SCD5: variants seen among roughly 807,000 people sequenced by gnomAD.
SCD5 encodes the protein acyl-CoA-desaturase 4.
In SCD5, 20 loss-of-function variants were observed where a neutral mutation model predicts 30.4. The ratio of observed to expected loss-of-function variants is 0.66; its 90% CI spans 0.46 to 0.96. The LOEUF is 0.96. SCD5 is among the 40% of genes least tolerant of loss of function. The pLI is 0.00. For missense variants in SCD5, 381 were observed against 443.3 expected (o/e 0.86, Z 1.26); for synonymous variants, 173 against 176.4 (o/e 0.98, Z 0.16).
At chr4:82,763,639 G>A (rs1407636349) in intron 1 of SCD5, among the ~76,000 whole-genome samples, 3 of 152,240 alleles carry the variant, frequency 2.0e-5, no homozygotes, top group Non-Finnish European at 4.4e-5. Flanking sequence ...CCAGGGGTGT[G>A]CAGGAACAGA....
intron 1 of SCD5, among the ~76,000 whole-genome samples, chr4:82,717,134 G>T (rs577117715): frequency 6.6e-6 from 1 of 151,860 alleles, no homozygotes; most frequent in Non-Finnish European, 1.5e-5. Flanking sequence ...ACTGTATAGG[G>T]TATTTAGCAT....
At chr4:82,709,475 G>A (rs1230598631) in intron 1 of SCD5, among the ~76,000 whole-genome samples, 1 of 152,196 alleles carries the variant, frequency 6.6e-6, no homozygotes, top group Non-Finnish European at 1.5e-5. Context: ...TAATATAAGA[G>A]AGATCAAAAA....
At chr4:82,775,640 C>T (rs1381327220) in intron 1 of SCD5, 1 of 152,220 alleles carries the variant, frequency 6.6e-6, no homozygotes, top group Non-Finnish European at 1.5e-5. Flanking sequence ...ATACAAGGAT[C>T]ACTTGAGGCC....
chr4:82,638,537 T>A (rs963876762), intron 3 of SCD5, among the ~76,000 whole-genome samples: 4 of 152,202 alleles, frequency 2.6e-5, no homozygotes, highest in Non-Finnish European at 5.9e-5. Context: ...TTGGCTCCAA[T>A]ACCTCCTTGG....
intron 1 of SCD5, among the ~76,000 whole-genome samples, chr4:82,773,045 G>A (rs1313507094): frequency 1.3e-5 from 2 of 152,108 alleles, no homozygotes; most frequent in African/African-American, 2.4e-5. Flanking sequence ...ATGGTGTGGG[G>A]AGCACTGATG....
In SCD5 at chr4:82,680,892, G is replaced by T; in HGVS notation, c.384C>A (p.Ser128=). Residue 128 remains serine, a synonymous_variant, in exon 3 of 5, where the codon TCC becomes TCA. Transcript: ENST00000319540. ...MAFQNDIFEW[S]RDHRAHHKYS... ...ACTTGTGGTGGGCTCGGTGGTCCCT[G>T]GACCACTCGAAGATGTCATTCTGCA... 1 of 1,612,836 alleles carries T rather than the reference G, an allele frequency of 6.2e-7. No individual in the cohort carries two copies.
At chr4:82,711,697 C>T (rs866244546) in intron 1 of SCD5, among the ~76,000 whole-genome samples, 1 of 129,864 alleles carries the variant, frequency 7.7e-6, no homozygotes, top group Non-Finnish European at 1.6e-5. Context: ...TAAAGTAAGA[C>T]CTTGTCTTAA....
At chr4:82,699,745 T>C (rs941704165) in intron 2 of SCD5, among the ~76,000 whole-genome samples, 3 of 151,132 alleles carry the variant, frequency 2.0e-5, no homozygotes, top group South Asian at 4.2e-4. Context: ...TACTGCAACC[T>C]CCACGTCCCA....
At chr4:82,779,700 ACTCCTCCCTGT>A (rs1159021274) in intron 1 of SCD5, among the ~76,000 whole-genome samples, 5 of 151,772 alleles carry the variant, frequency 3.3e-5, no homozygotes, top group African/African-American at 4.8e-5. Context: ...TGGGCAAATC[ACTCCTCCCTGT>A]CTCTTTGTTT....
intron 3 of SCD5, among the ~76,000 whole-genome samples, chr4:82,666,076 T>G (rs1266761837): frequency 6.6e-6 from 1 of 151,810 alleles, no homozygotes; most frequent in African/African-American, 2.4e-5. Context: ...TGCGGGGTTA[T>G]AGAAATTTTA....
intron 2 of SCD5, among the ~76,000 whole-genome samples, chr4:82,701,839 T>C (rs1481431686): frequency 6.6e-6 from 1 of 152,196 alleles, no homozygotes; most frequent in Non-Finnish European, 1.5e-5. Flanking sequence ...GACCCAGATG[T>C]AGCCAGCAGA....
chr4:82,724,846 C>T (rs1031118133), intron 1 of SCD5, among the ~76,000 whole-genome samples: 1 of 152,222 alleles, frequency 6.6e-6, no homozygotes, highest in Non-Finnish European at 1.5e-5. Context: ...CGAACCTAGA[C>T]ATTTAGGCCC....
At chr4:82,707,510 G>C (rs1377354482) in intron 1 of SCD5, among the ~76,000 whole-genome samples, 1 of 152,110 alleles carries the variant, frequency 6.6e-6, no homozygotes, top group Non-Finnish European at 1.5e-5. Flanking sequence ...TTAGTAACTT[G>C]CTTCTAACCA....
In SCD5 at chr4:82,705,154, C is replaced by T. The variant is rs147541768; in HGVS notation, c.363+129G>A. On this transcript the variant is annotated intron_variant, in intron 2 of 4. Coordinates refer to ENST00000319540, the MANE Select transcript of SCD5 (RefSeq NM_001037582.3). ...CAAAGAGATAAAAACTTGGGACAGA[C>T]TGGGCGTGCTTGGGGCCTGAACACT... 548 of 1,161,264 alleles carry T rather than the reference C, an allele frequency of 4.7e-4. 5 individuals carry two copies. In the East Asian group the frequency reaches 0.012, roughly 25 times the overall value. The allele number at this position is 1,161,264 out of a possible 1,614,324, so 71.9% of individuals were successfully genotyped here.
chr4:82,796,210 C>T (rs1030988781), intron 1 of SCD5, among the ~76,000 whole-genome samples: 3 of 150,128 alleles, frequency 2.0e-5, no homozygotes, highest in Admixed American at 6.6e-5. Flanking sequence ...GCGGAGCTTG[C>T]GGTGAGCCGA....
chr4:82,653,530 T>G (rs1727798347), intron 3 of SCD5, among the ~76,000 whole-genome samples: 1 of 152,152 alleles, frequency 6.6e-6, no homozygotes, highest in Admixed American at 6.5e-5. Flanking sequence ...CCTAAAATGT[T>G]GGTTATTACA....
At chr4:82,765,474 G>T (rs185463596) in intron 1 of SCD5, among the ~76,000 whole-genome samples, 1 of 152,218 alleles carries the variant, frequency 6.6e-6, no homozygotes, top group Non-Finnish European at 1.5e-5. Context: ...AAATGGCATA[G>T]TATTTGCATA....
intron 1 of SCD5, among the ~76,000 whole-genome samples, chr4:82,789,210 T>C (rs1722049337): frequency 6.6e-6 from 1 of 152,220 alleles, no homozygotes; most frequent in Non-Finnish European, 1.5e-5. Flanking sequence ...TTCTAGTCCA[T>C]GAATTAAACA....
chr4:82,764,296 T>C (rs760104796), intron 1 of SCD5, among the ~76,000 whole-genome samples: 9 of 152,250 alleles, frequency 5.9e-5, no homozygotes, highest in Non-Finnish European at 7.3e-5. Context: ...GGAAGTTGTA[T>C]TGGACAGCCC....
Sources: allele counts gnomAD v4.1 joint callset (sites outside exome capture counted in the v4.1 genomes callset), GRCh38; gene constraint gnomAD v4.1.1; transcripts MANE v1.5; gene names NCBI Gene and HGNC (gene_info 2026-07-23, HGNC 2026-07-21).